USP2: variants seen among roughly 807,000 people sequenced by gnomAD.
USP2 encodes the protein ubiquitin specific peptidase 2.
In USP2, 33 loss-of-function variants were observed where a neutral mutation model predicts 72.0. That is an observed-to-expected ratio of 0.46 (90% CI 0.35 to 0.61). The LOEUF (loss-of-function observed/expected upper bound fraction) is 0.61, where lower values mean the gene tolerates loss of function less well. Ranked by LOEUF, USP2 falls within the 20% of genes least tolerant of loss-of-function variation. USP2 has a pLI of 0.01. For missense variants in USP2, 691 were observed against 797.8 expected, an observed-to-expected ratio of 0.87 and a Z score of 1.61; for synonymous variants, 296 against 312.5, an observed-to-expected ratio of 0.95 and a Z score of 0.56.
At chr11:119,375,837 G>A (rs1037508601) in intron 1 of USP2, among the ~76,000 whole-genome samples, 1 of 152,208 alleles carries the variant, frequency 6.6e-6, no homozygotes, top group Non-Finnish European at 1.5e-5. Flanking sequence ...TGCTGATGAC[G>A]CAGAAGTGCT....
rs764472189 is a variant in USP2 at position 119,373,205 on chromosome 11, T to A, written c.276A>T (p.Ala92=). The A allele has an allele frequency of 1.2e-5, 20 of 1,614,006 alleles. No individual in the cohort carries two copies. The highest frequency in any genetic ancestry group is 1.7e-5 in the Non-Finnish European group (20 of 1,179,958). The change falls in exon 2 of 13, where the codon GCA becomes GCT. Residue 92 remains alanine (A), a synonymous_variant. Transcript: ENST00000260187. ...GCTCAGTACCCCGGGTCTGGCTCTC[T>A]GCCCGCTTACCACCCCCAGTGATGT... is the stretch of plus-strand genomic sequence containing the variant. ...RPDITGGGKR[A]ESQTRGTERP...
In USP2 at chr11:119,381,504, C is replaced by G; in HGVS notation, c.-73G>C. On this transcript the variant is annotated 5_prime_UTR_variant, in exon 1 of 13. Transcript: ENST00000260187. ...CTTCTTGGAGTATGGACGAGTCGAACCGGGCACAAGCATGGAGCTGCGGGT... is the reference window on the plus strand; with the variant it reads ...CTTCTTGGAGTATGGACGAGTCGAAGCGGGCACAAGCATGGAGCTGCGGGT... The G allele has an allele frequency of 6.5e-7, 1 of 1,536,176 alleles. No homozygotes were observed. The highest frequency in any genetic ancestry group is 8.7e-7 in the Non-Finnish European group (1 of 1,146,906).
chr11:119,370,442 C>T (rs771560692), intron 2 of USP2, among the ~76,000 whole-genome samples: 19 of 152,184 alleles, frequency 1.2e-4, no homozygotes, highest in Non-Finnish European at 2.5e-4. Flanking sequence ...TCTGAGGTCA[C>T]GCTGCTAGTA....
At chr11:119,369,927 T>G (rs1950904934) in intron 2 of USP2, among the ~76,000 whole-genome samples, 1 of 152,074 alleles carries the variant, frequency 6.6e-6, no homozygotes, top group Non-Finnish European at 1.5e-5. Context: ...ACCTGTAATC[T>G]CAGCGCTTTG....
At chr11:119,374,250 G>A (rs1322295387) in intron 1 of USP2, among the ~76,000 whole-genome samples, 6 of 152,176 alleles carry the variant, frequency 3.9e-5, no homozygotes, top group African/African-American at 1.4e-4. Context: ...AGGGCCCTGT[G>A]GCCTCCTAAG....
intron 2 of USP2, among the ~76,000 whole-genome samples, chr11:119,370,622 T>G (rs980741739): frequency 6.6e-6 from 1 of 151,952 alleles, no homozygotes; most frequent in African/African-American, 2.4e-5. Flanking sequence ...GGTGGAGAGA[T>G]CAGGGTGAGG....
chr11:119,362,035 C>G (rs1233299651), intron 2 of USP2, among the ~76,000 whole-genome samples: 5 of 152,296 alleles, frequency 3.3e-5, no homozygotes, highest in Admixed American at 6.5e-5. Flanking sequence ...GAATACCCAC[C>G]CTTACGTCTA....
intron 1 of USP2, among the ~76,000 whole-genome samples, chr11:119,378,492 C>A (rs976995988): frequency 1.3e-5 from 2 of 152,158 alleles, no homozygotes; most frequent in African/African-American, 4.8e-5. Context: ...CCTCCCCTGG[C>A]AGGGGGTCAT....
rs181782079 is a variant in USP2 at position 119,377,627 on chromosome 11, G to A, written c.-42+3846C>T. On this transcript the variant is annotated intron_variant, in intron 1 of 12. Coordinates refer to ENST00000260187, the MANE Select transcript of USP2 (RefSeq NM_004205.5). ...CCCCAGCTCGGGGCCTTGGGTCCCTGGCCTGGTTATGAGCAAGTCCCTAGC... is the reference window on the plus strand; with the variant it reads ...CCCCAGCTCGGGGCCTTGGGTCCCTAGCCTGGTTATGAGCAAGTCCCTAGC... 1.2e-3 allele frequency among the ~76,000 whole-genome samples: 179 copies of A among 152,254 alleles called. 2 individuals are homozygous for A. The highest frequency in any genetic ancestry group is 4.1e-3 in the African/African-American group (171 of 41,552).
intron 2 of USP2, chr11:119,363,709 G>T: frequency 1.7e-6 from 1 of 591,990 alleles, no homozygotes; most frequent in Non-Finnish European, 2.6e-6. Context: ...GGCATTCCTT[G>T]CCAGGAGACC....
At chr11:119,374,367 G>A (rs924027419) in intron 1 of USP2, among the ~76,000 whole-genome samples, 1 of 152,226 alleles carries the variant, frequency 6.6e-6, no homozygotes, top group Admixed American at 6.5e-5. Flanking sequence ...TGCACTGCAG[G>A]TGGCATTCCC....
chr11:119,364,279 C>T (rs1191737208), intron 2 of USP2: 1 of 753,492 alleles, frequency 1.3e-6, no homozygotes. Flanking sequence ...AGCCCCGCCC[C>T]ACCTCGCCTC....
At position 119,379,131 on chromosome 11, in the gene USP2, G is replaced by A. The variant is rs989740631; in HGVS notation, c.-42+2342C>T. ...TGGGTAATCCGGAGCTCAGGTTACTGACTCCGATATATATAGTATCTTATC... is the reference window on the plus strand; with the variant it reads ...TGGGTAATCCGGAGCTCAGGTTACTAACTCCGATATATATAGTATCTTATC... On this transcript the variant is annotated intron_variant, in intron 1 of 12. Coordinates refer to ENST00000260187, the MANE Select transcript of USP2 (RefSeq NM_004205.5). 9 of 985,486 alleles carry A rather than the reference G, an allele frequency of 9.1e-6. No individual in the cohort carries two copies. The African/African-American group carries it at 1.6e-4, about 17-fold the overall frequency. 61.0% of individuals were successfully genotyped at this position (985,486 alleles called of 1,614,324 possible).
At chr11:119,358,549 C>G (rs1424611763) in intron 7 of USP2, 1 of 622,330 alleles carries the variant, frequency 1.6e-6, no homozygotes, top group African/African-American at 1.8e-5. Context: ...CTCCTGACCT[C>G]AGGTGATCTA....
intron 2 of USP2, among the ~76,000 whole-genome samples, chr11:119,370,654 T>G (rs971271945): frequency 2.6e-5 from 4 of 152,210 alleles, no homozygotes; most frequent in Non-Finnish European, 5.9e-5. Flanking sequence ...TCTTGTACTA[T>G]TGACCCTGGA....
Position 119,379,308 on chromosome 11 carries a change from G to T in USP2, c.-42+2165C>A, listed in dbSNP as rs1379907063. On this transcript the variant is annotated intron_variant, in intron 1 of 12. Coordinates refer to ENST00000260187, the MANE Select transcript of USP2 (RefSeq NM_004205.5). ...GTCTGTGAGGACTCTTGGAAGGGGGGCATTTTGAAGGGGAACAATCGGGAG... is the reference window on the plus strand; with the variant it reads ...GTCTGTGAGGACTCTTGGAAGGGGGTCATTTTGAAGGGGAACAATCGGGAG... 3 of 984,696 alleles carry T rather than the reference G, an allele frequency of 3.0e-6. No homozygotes were observed. In the African/African-American group the frequency reaches 5.3e-5, roughly 17 times the overall value. 61.0% of individuals were successfully genotyped at this position (984,696 alleles called of 1,614,324 possible).
chr11:119,372,680 A>G, intron 2 of USP2, 27 bp downstream of exon 2: 2 of 1,505,292 alleles, frequency 1.3e-6, no homozygotes, highest in Non-Finnish European at 1.8e-6. Context: ...TCCCCAGCCT[A>G]TCCCCGGTCC....
intron 1 of USP2, among the ~76,000 whole-genome samples, chr11:119,374,079 A>G (rs1461771685): frequency 4.1e-5 from 6 of 147,340 alleles, no homozygotes; most frequent in Non-Finnish European, 4.5e-5. Flanking sequence ...GGAGGAAGTA[A>G]TGGGGTGTGG....
chr11:119,358,931 A>C, intron 6 of USP2, 93 bp downstream of exon 6: 2 of 1,590,860 alleles, frequency 1.3e-6, no homozygotes, highest in Non-Finnish European at 1.7e-6. Context: ...AAAGTAAATC[A>C]GATTATTCCC....
Sources: gnomAD v4.1 joint callset for allele counts (sites outside exome capture counted in the v4.1 genomes callset) on GRCh38, gnomAD v4.1.1 for gene constraint, MANE v1.5 for transcripts, NCBI Gene and HGNC (gene_info 2026-07-23, HGNC 2026-07-21) for gene names.